Variants in GRID2 observed in about 807,000 individuals in gnomAD.
GRID2 encodes glutamate receptor ionotropic, delta-2.
A neutral mutation model predicts 114.8 loss-of-function variants in GRID2; 33 were observed. That is an observed-to-expected ratio of 0.29 (90% CI 0.22 to 0.38). The LOEUF is 0.38. GRID2 is among the 10% of genes least tolerant of loss of function. The pLI, the probability that GRID2 is intolerant of heterozygous loss-of-function variation, is 1.00. For missense variants in GRID2, 1,184 were observed against 1,257.7 expected (o/e 0.94, Z 0.89); for synonymous variants, 505 against 449.9 (o/e 1.12, Z -1.55).
intron 9 of GRID2, among the ~76,000 whole-genome samples, chr4:93,403,152 A>G (rs1164228779): frequency 2.0e-5 from 3 of 152,186 alleles, no homozygotes; most frequent in Non-Finnish European, 2.9e-5. Context: ...GAGTTAATAA[A>G]TAATAAAGTT....
chr4:93,253,782 T>G (rs1219877632), intron 8 of GRID2, among the ~76,000 whole-genome samples: 1 of 152,148 alleles, frequency 6.6e-6, no homozygotes, highest in Non-Finnish European at 1.5e-5. Flanking sequence ...AGGTGATATT[T>G]AAATATTTTT....
chr4:92,918,976 G>A (rs1749064333), intron 2 of GRID2, among the ~76,000 whole-genome samples: 1 of 152,060 alleles, frequency 6.6e-6, no homozygotes, highest in Admixed American at 6.6e-5. Context: ...GAATCCCTCT[G>A]GTCCTGGACT....
intron 8 of GRID2, among the ~76,000 whole-genome samples, chr4:93,256,016 T>C (rs2149539368): frequency 6.6e-6 from 1 of 152,230 alleles, no homozygotes; most frequent in East Asian, 1.9e-4. Flanking sequence ...TTCTATAAGG[T>C]AAATCAATTC....
At chr4:93,540,724 T>C (rs1732577142) in intron 13 of GRID2, among the ~76,000 whole-genome samples, 1 of 152,192 alleles carries the variant, frequency 6.6e-6, no homozygotes, top group African/African-American at 2.4e-5. Flanking sequence ...GATTTACACC[T>C]GGAAAATGGA....
chr4:93,619,167 T>A (rs1287573497), intron 13 of GRID2, among the ~76,000 whole-genome samples: 2 of 152,216 alleles, frequency 1.3e-5, no homozygotes, highest in Admixed American at 1.3e-4. Flanking sequence ...TAAATTATCA[T>A]AGGCCAACAA....
chr4:92,371,308 A>G (rs1191827625), intron 1 of GRID2, among the ~76,000 whole-genome samples: 1 of 152,150 alleles, frequency 6.6e-6, no homozygotes, highest in Non-Finnish European at 1.5e-5. Flanking sequence ...ACATCTTCCT[A>G]TTGGAAGAAG....
At chr4:92,355,295 A>G (rs1264448598) in intron 1 of GRID2, among the ~76,000 whole-genome samples, 2 of 151,554 alleles carry the variant, frequency 1.3e-5, no homozygotes, top group Non-Finnish European at 3.0e-5. Flanking sequence ...TTACCTCATT[A>G]TTTCCTTGGA....
chr4:92,819,769 T>G (rs1741152839), intron 2 of GRID2, among the ~76,000 whole-genome samples: 1 of 152,166 alleles, frequency 6.6e-6, no homozygotes, highest in Non-Finnish European at 1.5e-5. Context: ...TTAAAATATT[T>G]TTTTTCTTTT....
intron 13 of GRID2, among the ~76,000 whole-genome samples, chr4:93,608,043 C>CATATAT (rs59824778): frequency 0.11 from 16,324 of 146,102 alleles, 1,119 homozygotes; most frequent in Middle Eastern, 0.21. Context: ...TCTAACTTTA[C>CATATAT]ATATATATAT....
chr4:93,296,126 T>C (rs1164483926), intron 8 of GRID2, among the ~76,000 whole-genome samples: 2 of 152,190 alleles, frequency 1.3e-5, no homozygotes, highest in East Asian at 3.9e-4. Flanking sequence ...CCATAGTCCG[T>C]CCAGGGCCTC....
intron 1 of GRID2, among the ~76,000 whole-genome samples, chr4:92,322,341 A>G (rs1579177671): frequency 1.3e-5 from 2 of 152,236 alleles, no homozygotes; most frequent in Admixed American, 6.6e-5. Context: ...GCTTTGGTCT[A>G]ATATAGGATG....
intron 1 of GRID2, among the ~76,000 whole-genome samples, chr4:92,396,474 C>G (rs1007407576): frequency 6.6e-6 from 1 of 151,930 alleles, no homozygotes; most frequent in Non-Finnish European, 1.5e-5. Flanking sequence ...TTATCATCAT[C>G]ATACACAGTC....
At chr4:93,522,656 G>A (rs975240978) in intron 13 of GRID2, among the ~76,000 whole-genome samples, 9 of 152,094 alleles carry the variant, frequency 5.9e-5, no homozygotes, top group African/African-American at 2.2e-4. Flanking sequence ...GATATGAAAA[G>A]GGTGGCAGGA....
At chr4:92,449,950 G>C (rs1720816466) in intron 1 of GRID2, among the ~76,000 whole-genome samples, 3 of 151,576 alleles carry the variant, frequency 2.0e-5, no homozygotes, top group African/African-American at 4.8e-5. Context: ...AAGAAAATTA[G>C]GATCTTGGCT....
chr4:92,955,789 T>C (rs1752361361), intron 2 of GRID2, among the ~76,000 whole-genome samples: 1 of 152,190 alleles, frequency 6.6e-6, no homozygotes, highest in Admixed American at 6.5e-5. Flanking sequence ...GAATTGATTT[T>C]TGTATAAGGT....
intron 9 of GRID2, among the ~76,000 whole-genome samples, chr4:93,400,507 T>C (rs2149337449): frequency 6.6e-6 from 1 of 152,208 alleles, no homozygotes; most frequent in East Asian, 1.9e-4. Flanking sequence ...TAGCAATAAA[T>C]GACCAATTAA....
intron 1 of GRID2, among the ~76,000 whole-genome samples, chr4:93,792,799 C>T (rs1383245684): frequency 6.6e-6 from 1 of 152,238 alleles, no homozygotes; most frequent in Admixed American, 6.5e-5. Flanking sequence ...CATGGTGAAA[C>T]CTCAGTCTCA....
At chr4:92,495,791 T>C (rs1723359562) in intron 1 of GRID2, among the ~76,000 whole-genome samples, 1 of 151,926 alleles carries the variant, frequency 6.6e-6, no homozygotes, top group African/African-American at 2.4e-5. Flanking sequence ...GGTCATTTTC[T>C]GATCTGAGAA....
chr4:92,707,108 T>TA (rs994796359), intron 2 of GRID2, among the ~76,000 whole-genome samples: 11 of 152,278 alleles, frequency 7.2e-5, no homozygotes, highest in South Asian at 4.1e-4. Flanking sequence ...ATTGATTTTT[T>TA]AAAAAATCAG....
Sources: allele counts gnomAD v4.1 joint callset (sites outside exome capture counted in the v4.1 genomes callset), GRCh38; gene constraint gnomAD v4.1.1; transcripts MANE v1.5; gene names NCBI Gene and HGNC (gene_info 2026-07-23, HGNC 2026-07-21).